FARS2: variants seen among roughly 807,000 people sequenced by gnomAD.
The protein encoded by FARS2 is phenylalanyl-tRNA synthetase 2, mitochondrial.
FARS2 carries 40 observed loss-of-function variants against 46.4 expected under a neutral mutation model. The observed-to-expected ratio is 0.86, with a 90% CI of 0.67 to 1.12. The LOEUF (loss-of-function observed/expected upper bound fraction) is 1.12, where lower values mean the gene tolerates loss of function less well. FARS2 is among the 50% of genes most tolerant of loss of function. The pLI, the probability that FARS2 is intolerant of heterozygous loss-of-function variation, is 0.00. For synonymous variants in FARS2, 234 were observed against 214.9 expected, an observed-to-expected ratio of 1.09 and a Z score of -0.78; for missense variants, 513 against 567.9, an observed-to-expected ratio of 0.90 and a Z score of 0.98.
At chr6:5,363,338 A>G (rs1758440301) in intron 1 of FARS2, among the ~76,000 whole-genome samples, 1 of 151,880 alleles carries the variant, frequency 6.6e-6, no homozygotes, top group African/African-American at 2.4e-5. Flanking sequence ...ACTTTTTCCC[A>G]TTCTGTGAGT....
At position 5,343,360 on chromosome 6, in the gene FARS2, C is replaced by T. The variant is rs773649305; in HGVS notation, c.-21-25190C>T. Among the ~76,000 whole-genome samples the T allele has an allele frequency of 1.3e-5, 2 of 151,992 alleles. No homozygotes were observed. The highest frequency in any genetic ancestry group is 2.4e-5 in the African/African-American group (1 of 41,368). ...CCTAGTAGCTGGGATTACAGGTGCA[C>T]GCCACCACGCCCAGCTAATTTTTGT... is the stretch of plus-strand genomic sequence containing the variant. On this transcript the variant is annotated intron_variant, in intron 1 of 6. Coordinates refer to ENST00000274680, the MANE Select transcript of FARS2 (RefSeq NM_006567.5). This position sits in a 1 kb window ranked among gnomAD's most constrained non-coding sequence, Gnocchi z 4.5.
intron 5 of FARS2, among the ~76,000 whole-genome samples, chr6:5,603,068 G>A (rs12200627): frequency 0.38 from 58,200 of 152,004 alleles, 13,793 homozygotes; most frequent in Middle Eastern, 0.58. Context: ...GATTTCGGCT[G>A]GTAAAGATAC....
At chr6:5,571,791 T>C (rs1012224085) in intron 5 of FARS2, among the ~76,000 whole-genome samples, 1 of 152,152 alleles carries the variant, frequency 6.6e-6, no homozygotes, top group Non-Finnish European at 1.5e-5. Flanking sequence ...CACGATCTTC[T>C]ACTCTTCTCT....
intron 6 of FARS2, among the ~76,000 whole-genome samples, chr6:5,763,519 G>C (rs2150981324): frequency 6.6e-6 from 1 of 152,264 alleles, no homozygotes; most frequent in African/African-American, 2.4e-5. Flanking sequence ...GGATTCTAGA[G>C]CCAGAAGGAG....
intron 6 of FARS2, among the ~76,000 whole-genome samples, chr6:5,688,532 TG>T (rs1757431973): frequency 6.6e-6 from 1 of 152,252 alleles, no homozygotes; most frequent in African/African-American, 2.4e-5. Context: ...GAAGCAGCCT[TG>T]CATCCCAGGG....
At chr6:5,287,176 T>C (rs916933560) in intron 1 of FARS2, among the ~76,000 whole-genome samples, 21 of 152,210 alleles carry the variant, frequency 1.4e-4, no homozygotes, top group Non-Finnish European at 1.0e-4. Context: ...GGGTGTGATA[T>C]AGTGTTCAGA....
intron 5 of FARS2, among the ~76,000 whole-genome samples, chr6:5,553,950 T>C (rs1771510829): frequency 6.6e-6 from 1 of 152,196 alleles, no homozygotes; most frequent in Non-Finnish European, 1.5e-5. Context: ...ATGGTCTGAC[T>C]AGGTGGTGAA....
intron 5 of FARS2, among the ~76,000 whole-genome samples, chr6:5,586,088 G>A (rs1773598938): frequency 6.6e-6 from 1 of 151,984 alleles, no homozygotes; most frequent in South Asian, 2.1e-4. Context: ...CAACTATACT[G>A]AATTTGTCTA....
chr6:5,427,019 A>G (rs1239990020), intron 3 of FARS2, among the ~76,000 whole-genome samples: 2 of 152,230 alleles, frequency 1.3e-5, no homozygotes, highest in African/African-American at 4.8e-5. Context: ...TCAAATAATT[A>G]CTATTTATGT....
At chr6:5,707,926 G>C (rs930647765) in intron 6 of FARS2, among the ~76,000 whole-genome samples, 2 of 152,232 alleles carry the variant, frequency 1.3e-5, no homozygotes, top group South Asian at 4.1e-4. Context: ...GGGAAGAAAG[G>C]CTTGGCTACT....
rs564054146 is a variant in FARS2, at chr6:5,498,538, G to A, written c.905-46642G>A. 2.6e-5 allele frequency among the ~76,000 whole-genome samples: 4 copies of A among 152,304 alleles called. No homozygotes were observed. The South Asian group carries it at 8.3e-4, about 32-fold the overall frequency. ...CATCACCGTGTCTCTAACACCAGCG[G>A]AGTGACTGCACGCACCAGGTACTCA... On this transcript the variant is annotated intron_variant, in intron 4 of 6. Transcript: ENST00000274680.
At chr6:5,680,727 T>A (rs2150832640) in intron 6 of FARS2, among the ~76,000 whole-genome samples, 1 of 145,960 alleles carries the variant, frequency 6.9e-6, no homozygotes, top group Non-Finnish European at 1.5e-5. Context: ...CTGCAAAAAG[T>A]ACAGACGTTG....
intron 2 of FARS2, among the ~76,000 whole-genome samples, chr6:5,373,462 G>T (rs797150): frequency 0.46 from 70,675 of 152,024 alleles, 18,381 homozygotes; most frequent in African/African-American, 0.72. Flanking sequence ...ACTACCATAT[G>T]TGTAGGACAT....
At chr6:5,564,830 A>T (rs1237866075) in intron 5 of FARS2, among the ~76,000 whole-genome samples, 1 of 152,172 alleles carries the variant, frequency 6.6e-6, no homozygotes, top group East Asian at 1.9e-4. Context: ...GAGCTTCCAG[A>T]CCTGTTAGAA....
chr6:5,417,842 A>G (rs902810242), intron 3 of FARS2, among the ~76,000 whole-genome samples: 5 of 151,920 alleles, frequency 3.3e-5, no homozygotes, highest in African/African-American at 1.2e-4. Flanking sequence ...TCCTTTAGGT[A>G]CTCCACTTGC....
chr6:5,685,985 C>T (rs1463862830), intron 6 of FARS2, among the ~76,000 whole-genome samples: 11 of 152,200 alleles, frequency 7.2e-5, no homozygotes, highest in Non-Finnish European at 1.6e-4. Flanking sequence ...ACTTCTGCTG[C>T]CTCAGGATTC....
chr6:5,480,981 C>T (rs1021494705), intron 4 of FARS2, among the ~76,000 whole-genome samples: 7 of 152,110 alleles, frequency 4.6e-5, no homozygotes, highest in Admixed American at 6.5e-5. Context: ...GTCTGTTGGT[C>T]GAAGCCATTT....
At chr6:5,599,311 A>G (rs1426908093) in intron 5 of FARS2, among the ~76,000 whole-genome samples, 1 of 152,226 alleles carries the variant, frequency 6.6e-6, no homozygotes, top group African/African-American at 2.4e-5. Context: ...CACTTAAAGT[A>G]CATGATGGCA....
chr6:5,725,644 G>GC (rs1367634657), intron 6 of FARS2, among the ~76,000 whole-genome samples: 1 of 152,176 alleles, frequency 6.6e-6, no homozygotes, highest in Non-Finnish European at 1.5e-5. Flanking sequence ...GCTTTAAAAA[G>GC]GTTAGCTGGG....
Sources: allele counts gnomAD v4.1 joint callset (sites outside exome capture counted in the v4.1 genomes callset), GRCh38; gene constraint gnomAD v4.1.1; non-coding constraint Gnocchi (gnomAD v3.1); transcripts MANE v1.5; gene names NCBI Gene and HGNC (gene_info 2026-07-23, HGNC 2026-07-21).